The following NELL1 variants were observed in gnomAD, a reference collection of about 807,000 sequenced individuals.
The protein encoded by NELL1 is protein kinase C-binding protein NELL1.
A neutral mutation model predicts 107.4 loss-of-function variants in NELL1; 76 were observed. The observed-to-expected ratio is 0.71, with a 90% CI of 0.59 to 0.86. NELL1 has a LOEUF of 0.86. NELL1 is among the 40% of genes least tolerant of loss of function. NELL1 has a pLI of 0.00. For synonymous variants in NELL1, 353 were observed against 341.2 expected (o/e 1.03, Z -0.38); for missense variants, 1,024 against 1,005.5 (o/e 1.02, Z -0.25).
At position 21,546,349 on chromosome 11, in the gene NELL1, C is replaced by G. The variant is rs76694060; in HGVS notation, c.1786+11835C>G. ...GTGAGCAATTGTTTCATTACAGAAACTCCTGGCTTGAATGTGTTAGAGCCA... is the reference window on the plus strand; with the variant it reads ...GTGAGCAATTGTTTCATTACAGAAAGTCCTGGCTTGAATGTGTTAGAGCCA... On this transcript the variant is annotated intron_variant, in intron 16 of 19. Coordinates refer to ENST00000357134, the MANE Select transcript of NELL1 (RefSeq NM_006157.5). Among the ~76,000 whole-genome samples, 9 of 152,100 alleles carry G rather than the reference C, an allele frequency of 5.9e-5. No individual in the cohort carries two copies. In the South Asian group the frequency reaches 1.9e-3, roughly 31 times the overall value.
At chr11:21,418,053 T>C (rs887431615) in intron 15 of NELL1, among the ~76,000 whole-genome samples, 11 of 152,082 alleles carry the variant, frequency 7.2e-5, no homozygotes, top group Non-Finnish European at 8.8e-5. Flanking sequence ...CTAGGCGTTA[T>C]TATTTTTATA....
rs757206330 is a variant in NELL1 at position 21,229,471 on chromosome 11, A to G, written c.1549+17A>G. On this transcript the variant is annotated intron_variant, in intron 14 of 19. Coordinates refer to ENST00000357134, the MANE Select transcript of NELL1 (RefSeq NM_006157.5). ...TCTGCAGAGGTAGGCTTGCCGCCTTAGTGTTGAGTTGTGAGCAGCCATTCT... is the reference window on the plus strand; with the variant it reads ...TCTGCAGAGGTAGGCTTGCCGCCTTGGTGTTGAGTTGTGAGCAGCCATTCT... 4 of 1,612,982 alleles carry G rather than the reference A, an allele frequency of 2.5e-6. No individual in the cohort carries two copies. The East Asian group carries it at 6.7e-5, about 27-fold the overall frequency.
chr11:21,263,233 A>G (rs1402127183), intron 14 of NELL1, among the ~76,000 whole-genome samples: 1 of 151,844 alleles, frequency 6.6e-6, no homozygotes, highest in Admixed American at 6.6e-5. Flanking sequence ...CTTTTATGTT[A>G]GAAGCCTCCC....
At chr11:21,286,201 G>T (rs1849111272) in intron 14 of NELL1, among the ~76,000 whole-genome samples, 1 of 152,190 alleles carries the variant, frequency 6.6e-6, no homozygotes, top group Non-Finnish European at 1.5e-5. Flanking sequence ...TCAGGGCCAG[G>T]ATTTGGACAA....
intron 15 of NELL1, among the ~76,000 whole-genome samples, chr11:21,390,863 G>A (rs1851859284): frequency 6.6e-6 from 1 of 151,396 alleles, no homozygotes; most frequent in African/African-American, 2.4e-5. Context: ...AGAACATTCT[G>A]CCCACTTCAT....
intron 16 of NELL1, among the ~76,000 whole-genome samples, chr11:21,543,057 A>T (rs1030236662): frequency 6.6e-6 from 1 of 152,008 alleles, no homozygotes; most frequent in African/African-American, 2.4e-5. Flanking sequence ...TTAGTGGACC[A>T]GGGTATTTCA....
chr11:21,521,122 T>TGTAA (rs1415358151), intron 15 of NELL1, among the ~76,000 whole-genome samples: 1 of 152,234 alleles, frequency 6.6e-6, no homozygotes. Flanking sequence ...CTCTTTTGAA[T>TGTAA]GTAAGTATTA....
intron 12 of NELL1, among the ~76,000 whole-genome samples, chr11:20,989,315 GGTATTAGCAT>G (rs1851921238): frequency 6.6e-6 from 1 of 152,042 alleles, no homozygotes; most frequent in Non-Finnish European, 1.5e-5. Flanking sequence ...TCCATTCTTG[GGTATTAGCAT>G]GTTCCCAATT....
At chr11:21,554,779 A>C (rs1050436196) in intron 16 of NELL1, among the ~76,000 whole-genome samples, 1 of 151,812 alleles carries the variant, frequency 6.6e-6, no homozygotes, top group African/African-American at 2.4e-5. Context: ...AAATTTTTAG[A>C]GTCGTACAAC....
intron 14 of NELL1, among the ~76,000 whole-genome samples, chr11:21,301,104 A>G (rs897761405): frequency 9.2e-5 from 14 of 152,132 alleles, no homozygotes; most frequent in Non-Finnish European, 1.6e-4. Flanking sequence ...ATATTATTCC[A>G]TGGTGTATAT....
chr11:21,104,747 A>T (rs560994133), intron 12 of NELL1, among the ~76,000 whole-genome samples: 1 of 152,340 alleles, frequency 6.6e-6, no homozygotes, highest in Non-Finnish European at 1.5e-5. Context: ...GTGTTATGTT[A>T]TCATTATTAG....
chr11:21,321,003 A>G (rs556549635), intron 14 of NELL1, among the ~76,000 whole-genome samples: 1 of 152,316 alleles, frequency 6.6e-6, no homozygotes, highest in African/African-American at 2.4e-5. Flanking sequence ...TGGGGCAATC[A>G]ATACATTCTA....
At chr11:20,971,311 A>G (rs1107082) in intron 12 of NELL1, among the ~76,000 whole-genome samples, 18,816 of 152,144 alleles carry the variant, frequency 0.12, 1,377 homozygotes, top group East Asian at 0.25. Context: ...TATGTTATTT[A>G]TAGTGCTTAG....
chr11:20,816,068 A>G (rs960028661), intron 3 of NELL1, among the ~76,000 whole-genome samples: 1 of 152,168 alleles, frequency 6.6e-6, no homozygotes, highest in African/African-American at 2.4e-5. Flanking sequence ...CTTATAGCAT[A>G]GTTTGAAATC....
intron 2 of NELL1, among the ~76,000 whole-genome samples, chr11:20,758,444 C>A (rs1244108313): frequency 6.6e-6 from 1 of 152,188 alleles, no homozygotes; most frequent in East Asian, 1.9e-4. Flanking sequence ...TAAGTTCTTC[C>A]TATCCTACTG....
At chr11:21,371,471 G>A (rs1227204493) in intron 15 of NELL1, among the ~76,000 whole-genome samples, 1 of 152,092 alleles carries the variant, frequency 6.6e-6, no homozygotes, top group Admixed American at 6.6e-5. Context: ...ATTAGCGTAA[G>A]TAAGATTACA....
At chr11:21,574,912 C>T (rs1857186360) in intron 19 of NELL1, 60 bp from the exon 20 acceptor site, 2 of 1,425,928 alleles carry the variant, frequency 1.4e-6, no homozygotes, top group Non-Finnish European at 2.0e-6. Flanking sequence ...ATAAAAATTG[C>T]AGACTGCTAA....
At chr11:20,710,855 T>C (rs1479049708) in intron 2 of NELL1, among the ~76,000 whole-genome samples, 1 of 152,124 alleles carries the variant, frequency 6.6e-6, no homozygotes, top group Non-Finnish European at 1.5e-5. Flanking sequence ...TGAATTTCTA[T>C]GGTGTCAGTT....
At chr11:20,945,099 T>A (rs1014646556) in intron 10 of NELL1, among the ~76,000 whole-genome samples, 2 of 152,190 alleles carry the variant, frequency 1.3e-5, no homozygotes, top group African/African-American at 4.8e-5. Flanking sequence ...GAAATTTATT[T>A]TAATTGTCTT....
Sources: allele counts gnomAD v4.1 joint callset (sites outside exome capture counted in the v4.1 genomes callset), GRCh38; gene constraint gnomAD v4.1.1; transcripts MANE v1.5; gene names NCBI Gene and HGNC (gene_info 2026-07-23, HGNC 2026-07-21).